FLACC1: variants seen among roughly 807,000 people sequenced by gnomAD.
FLACC1 encodes flagellum associated containing coiled-coil domains 1, also known as flagellum-associated coiled-coil domain-containing protein 1.
A neutral mutation model predicts 62.8 loss-of-function variants in FLACC1; 66 were observed. That is an observed-to-expected ratio of 1.05 (90% CI 0.86 to 1.29). FLACC1 has a LOEUF of 1.29. FLACC1 is among the 50% of genes most tolerant of loss of function. FLACC1 has a pLI of 0.00. For missense variants in FLACC1, 452 were observed against 489.1 expected, an observed-to-expected ratio of 0.92 and a Z score of 0.71; for synonymous variants, 156 against 161.0, an observed-to-expected ratio of 0.97 and a Z score of 0.24.
chr2:201,316,614 A>T (rs1950312307), intron 9 of FLACC1, among the ~76,000 whole-genome samples: 1 of 152,186 alleles, frequency 6.6e-6, no homozygotes, highest in Admixed American at 6.5e-5. Context: ...TTCACAGCAG[A>T]ACTCTACCAG....
rs1951134030 is a variant in FLACC1 at position 201,357,204 on chromosome 2, C to G, written c.-270G>C. The G allele has an allele frequency of 6.6e-6, 1 of 152,160 alleles. No homozygotes were observed. The highest frequency in any genetic ancestry group is 2.4e-5 in the African/African-American group (1 of 41,442). 9.4% of individuals were successfully genotyped at this position (152,160 alleles called of 1,614,324 possible). A position where few individuals can be genotyped will look rare whatever the true frequency, so the allele number is the denominator to read the frequency against. On this transcript the variant is annotated 5_prime_UTR_variant, in exon 1 of 15. Coordinates refer to ENST00000392257, the MANE Select transcript of FLACC1 (RefSeq NM_001127391.3). Reference sequence around the variant, plus strand: ...GACTTCTAGTGAATCCAATCAAAGGCTTTTACAAAGGCTGGCCTGGCACAA... The same window carrying G: ...GACTTCTAGTGAATCCAATCAAAGGGTTTTACAAAGGCTGGCCTGGCACAA...
At chr2:201,325,436 A>G (rs900544491) in intron 9 of FLACC1, among the ~76,000 whole-genome samples, 4 of 152,320 alleles carry the variant, frequency 2.6e-5, no homozygotes, top group Non-Finnish European at 5.9e-5. Context: ...TTAAACAAGT[A>G]AAGAAGAGAA....
Position 201,309,136 on chromosome 2 carries a change from A to G in FLACC1, c.775+15T>C. The G allele has an allele frequency of 6.2e-7, 1 of 1,604,504 alleles. No individual in the cohort carries two copies. Among genetic ancestry groups the G allele is most frequent in the Non-Finnish European group, 8.5e-7 (1 of 1,171,472 alleles). ...ATGCACTTGTCATCAAAAAAGCTAG[A>G]GTTTCTGTACTCACTTTGCTGTAGC... On this transcript the variant is annotated intron_variant, in intron 10 of 14. Coordinates refer to ENST00000392257, the MANE Select transcript of FLACC1 (RefSeq NM_001127391.3).
chr2:201,342,909 G>T (rs1034397658), intron 6 of FLACC1, among the ~76,000 whole-genome samples: 1 of 152,216 alleles, frequency 6.6e-6, no homozygotes, highest in Non-Finnish European at 1.5e-5. Context: ...ATTCTAGCAG[G>T]CAGGATTTGC....
intron 9 of FLACC1, among the ~76,000 whole-genome samples, chr2:201,324,253 C>G (rs1950462262): frequency 6.6e-6 from 1 of 152,060 alleles, no homozygotes; most frequent in Non-Finnish European, 1.5e-5. Context: ...AACAGTAAGA[C>G]AAGACAAAGA....
At chr2:201,327,920 GACTAA>G (rs148602347) in intron 9 of FLACC1, among the ~76,000 whole-genome samples, 5,595 of 152,214 alleles carry the variant, frequency 0.037, 126 homozygotes, top group Middle Eastern at 0.082. Context: ...AGTGCCCGTT[GACTAA>G]TGAGTGGATA....
At chr2:201,305,662 T>C (rs1469397186) in intron 11 of FLACC1, among the ~76,000 whole-genome samples, 1 of 152,192 alleles carries the variant, frequency 6.6e-6, no homozygotes, top group African/African-American at 2.4e-5. Context: ...CTATTCACAA[T>C]AGCAAAGACT....
chr2:201,364,057 G>C, the FLACC1 span, among the ~76,000 whole-genome samples: 1 of 152,198 alleles, frequency 6.6e-6, no homozygotes, highest in Non-Finnish European at 1.5e-5. Context: ...AGGTAACAGA[G>C]CTTTTCCCCA....
chr2:201,303,931 A>C (rs1275716747), intron 11 of FLACC1, among the ~76,000 whole-genome samples: 1 of 152,216 alleles, frequency 6.6e-6, no homozygotes, highest in African/African-American at 2.4e-5. Flanking sequence ...GACGTATCTC[A>C]AAATAATAAG....
At chr2:201,352,117 G>T (rs543396371) in intron 1 of FLACC1, 1 of 152,338 alleles carries the variant, frequency 6.6e-6, no homozygotes, top group South Asian at 2.1e-4. Context: ...AAGTTGCAGA[G>T]CTGGAAACAA....
intron 12 of FLACC1, 172 bp from the exon 13 acceptor site, chr2:201,289,957 C>T: frequency 8.5e-7 from 1 of 1,174,072 alleles, no homozygotes; most frequent in South Asian, 1.5e-5. Context: ...CATCTATATC[C>T]TTCTCTTCAG....
upstream of FLACC1, among the ~76,000 whole-genome samples, chr2:201,362,217 A>G (rs1025787400): frequency 1.3e-5 from 2 of 152,234 alleles, no homozygotes; most frequent in African/African-American, 4.8e-5. Flanking sequence ...GAAAGAAAAC[A>G]CAATTAAAGA....
At chr2:201,343,712 C>T (rs1950855663) in intron 6 of FLACC1, among the ~76,000 whole-genome samples, 2 of 152,220 alleles carry the variant, frequency 1.3e-5, no homozygotes, top group Admixed American at 1.3e-4. Flanking sequence ...CACTGAAATC[C>T]TCAGGAATCA....
At position 201,299,266 on chromosome 2, in the gene FLACC1, T is replaced by C; in HGVS notation, c.914A>G (p.Gln305Arg). The change falls in exon 12 of 15, where the codon CAA becomes CGA. Residue 305 changes from glutamine (Q) to arginine (R), a missense_variant. By Grantham distance (43) the Gln-to-Arg change is conservative. Transcript: ENST00000392257. ...TTTGGTTTTTCTCAGCTCTTCTAATTGCAAGGTGTCACTTTGATGTTGTTT... is the reference window on the plus strand; with the variant it reads ...TTTGGTTTTTCTCAGCTCTTCTAATCGCAAGGTGTCACTTTGATGTTGTTT... ...LLKQHQSDTL[Q>R]LEELRKTKEV... 6.2e-7 allele frequency: 1 copy of C among 1,613,798 alleles called. No individual in the cohort carries two copies.
intron 12 of FLACC1, among the ~76,000 whole-genome samples, chr2:201,297,867 C>T (rs1949898082): frequency 6.6e-6 from 1 of 152,004 alleles, no homozygotes; most frequent in Non-Finnish European, 1.5e-5. Flanking sequence ...AAATCGGGCA[C>T]CTTCTGAGAA....
intron 12 of FLACC1, among the ~76,000 whole-genome samples, chr2:201,295,905 T>C (rs1413879621): frequency 1.3e-5 from 2 of 152,110 alleles, no homozygotes; most frequent in East Asian, 3.8e-4. Context: ...AAAAGACACA[T>C]GAAAAAATGT....
chr2:201,360,231 G>A (rs548981581), upstream of FLACC1, among the ~76,000 whole-genome samples: 7 of 152,194 alleles, frequency 4.6e-5, no homozygotes, highest in Admixed American at 6.5e-5. Context: ...CAGTAACTTC[G>A]CCTAAAGCAA....
intron 6 of FLACC1, among the ~76,000 whole-genome samples, chr2:201,343,324 T>C (rs750374004): frequency 6.6e-6 from 1 of 152,198 alleles, no homozygotes; most frequent in Non-Finnish European, 1.5e-5. Flanking sequence ...AGTTGAGAGA[T>C]TGTATGCAAA....
intron 11 of FLACC1, among the ~76,000 whole-genome samples, chr2:201,307,159 G>A (rs756665649): frequency 2.6e-5 from 4 of 152,150 alleles, no homozygotes; most frequent in African/African-American, 7.2e-5. Context: ...CTGCCCTAGC[G>A]CCCAGTAATA....
Sources: gnomAD v4.1 joint callset for allele counts (sites outside exome capture counted in the v4.1 genomes callset) on GRCh38, gnomAD v4.1.1 for gene constraint, MANE v1.5 for transcripts, NCBI Gene and HGNC (gene_info 2026-07-23, HGNC 2026-07-21) for gene names.